The following TSHZ2 variants were observed in gnomAD, a reference collection of about 807,000 sequenced individuals.
TSHZ2 encodes the protein teashirt homolog 2.
Under a neutral mutation model 74.4 loss-of-function variants are expected in TSHZ2, and 21 were observed. The ratio of observed to expected loss-of-function variants is 0.28; its 90% CI spans 0.20 to 0.41. TSHZ2 has a LOEUF of 0.41. Ranked by LOEUF, TSHZ2 falls within the 10% of genes least tolerant of loss-of-function variation. The pLI, the probability that TSHZ2 is intolerant of heterozygous loss-of-function variation, is 1.00. For missense variants in TSHZ2, 1,244 were observed against 1,293.5 expected (o/e 0.96, Z 0.59); for synonymous variants, 540 against 515.3 (o/e 1.05, Z -0.65).
intron 1 of TSHZ2, among the ~76,000 whole-genome samples, chr20:53,034,518 A>T (rs976260254): frequency 1.3e-5 from 2 of 152,202 alleles, no homozygotes; most frequent in African/African-American, 4.8e-5. Flanking sequence ...ACAATAAATA[A>T]CCATGATGAC....
intron 1 of TSHZ2, among the ~76,000 whole-genome samples, chr20:53,032,536 T>G (rs1173903408): frequency 6.6e-6 from 1 of 152,118 alleles, no homozygotes; most frequent in African/African-American, 2.4e-5. Context: ...CCTTGGTAGG[T>G]CTTGAGATAG....
chr20:53,372,488 G>A (rs945602502), intron 2 of TSHZ2, among the ~76,000 whole-genome samples: 2 of 151,742 alleles, frequency 1.3e-5, no homozygotes, highest in African/African-American at 4.8e-5. Context: ...AAAAAATAAA[G>A]AAGGAAGAAA....
chr20:53,355,184 G>A (rs536827126), intron 2 of TSHZ2, among the ~76,000 whole-genome samples: 105 of 152,132 alleles, frequency 6.9e-4, no homozygotes, highest in African/African-American at 2.4e-3. Flanking sequence ...AAGCAAAAAG[G>A]AAAAGAAAAA....
chr20:53,001,034 C>G (rs1982388095), intron 1 of TSHZ2, among the ~76,000 whole-genome samples: 1 of 152,082 alleles, frequency 6.6e-6, no homozygotes, highest in Non-Finnish European at 1.5e-5. Flanking sequence ...AAGAGGGGGA[C>G]AGCCATCTGA....
chr20:53,442,376 T>A (rs1416009862), intron 2 of TSHZ2, among the ~76,000 whole-genome samples: 2 of 152,158 alleles, frequency 1.3e-5, no homozygotes, highest in African/African-American at 4.8e-5. Context: ...CCCATATTCA[T>A]TTTTCTTTTT....
At chr20:53,038,838 C>T (rs961928829) in intron 1 of TSHZ2, among the ~76,000 whole-genome samples, 20 of 147,394 alleles carry the variant, frequency 1.4e-4, no homozygotes, top group African/African-American at 4.9e-4. Context: ...TCTTCTGGGT[C>T]CAAGGGCCTT....
At chr20:53,304,508 CA>C (rs1024489881) in intron 2 of TSHZ2, among the ~76,000 whole-genome samples, 1 of 151,962 alleles carries the variant, frequency 6.6e-6, no homozygotes, top group Non-Finnish European at 1.5e-5. Context: ...ACAACAACAG[CA>C]AAAAAAGCAC....
chr20:53,210,083 A>G (rs1037431867), intron 1 of TSHZ2, among the ~76,000 whole-genome samples: 1 of 152,242 alleles, frequency 6.6e-6, no homozygotes, highest in Non-Finnish European at 1.5e-5. Context: ...CCGTCGCAGG[A>G]CGTGAGACAG....
intron 2 of TSHZ2, among the ~76,000 whole-genome samples, chr20:53,447,989 C>T (rs555364585): frequency 4.6e-5 from 7 of 151,310 alleles, no homozygotes; most frequent in South Asian, 2.1e-4. Context: ...TCTCGGCTCA[C>T]GGCAAGCTCT....
At chr20:53,468,920 A>G (rs1985648453) in intron 2 of TSHZ2, among the ~76,000 whole-genome samples, 1 of 149,834 alleles carries the variant, frequency 6.7e-6, no homozygotes, top group Admixed American at 6.7e-5. Flanking sequence ...ATGTCCCCTT[A>G]TTCTTCAAGG....
intron 2 of TSHZ2, among the ~76,000 whole-genome samples, chr20:53,448,917 C>CA (rs1192896586): frequency 6.6e-6 from 1 of 152,108 alleles, no homozygotes; most frequent in South Asian, 2.1e-4. Context: ...GGTAAACCCT[C>CA]AAAAAATGGA....
intron 1 of TSHZ2, among the ~76,000 whole-genome samples, chr20:53,124,237 C>A (rs1413769096): frequency 6.6e-6 from 1 of 152,212 alleles, no homozygotes; most frequent in Non-Finnish European, 1.5e-5. Context: ...ATCTCTCTTG[C>A]TTAACTGTAC....
At chr20:53,094,782 A>G (rs1264549169) in intron 1 of TSHZ2, among the ~76,000 whole-genome samples, 3 of 152,204 alleles carry the variant, frequency 2.0e-5, no homozygotes, top group Non-Finnish European at 2.9e-5. Flanking sequence ...CTGTGCTTCC[A>G]GAAATCAGGA....
intron 2 of TSHZ2, among the ~76,000 whole-genome samples, chr20:53,291,807 A>C (rs1373982891): frequency 6.6e-6 from 1 of 151,246 alleles, no homozygotes; most frequent in East Asian, 1.9e-4. Flanking sequence ...CTCACAGCAC[A>C]CTCTTCTGAA....
intron 2 of TSHZ2, among the ~76,000 whole-genome samples, chr20:53,293,287 AC>A (rs1252775410): frequency 6.6e-6 from 1 of 152,060 alleles, no homozygotes; most frequent in African/African-American, 2.4e-5. Context: ...ACATGGCAAA[AC>A]CCTGTCCCTA....
chr20:53,039,245 A>G (rs920062943), intron 1 of TSHZ2, among the ~76,000 whole-genome samples: 1 of 151,930 alleles, frequency 6.6e-6, no homozygotes, highest in Non-Finnish European at 1.5e-5. Flanking sequence ...CCACTTTGGA[A>G]CCTACCCCGA....
At chr20:53,006,988 C>T (rs1982668291) in intron 1 of TSHZ2, among the ~76,000 whole-genome samples, 1 of 152,084 alleles carries the variant, frequency 6.6e-6, no homozygotes. Flanking sequence ...TCTGGAAATC[C>T]ATGAGTGAAC....
intron 2 of TSHZ2, among the ~76,000 whole-genome samples, chr20:53,305,671 A>G (rs370152825): frequency 2.9e-4 from 44 of 152,166 alleles, no homozygotes; most frequent in African/African-American, 9.6e-4. Flanking sequence ...GGCACCACGG[A>G]TGTACAATAT....
At chr20:53,168,960 A>G (rs1369650575) in intron 1 of TSHZ2, 1 of 152,172 alleles carries the variant, frequency 6.6e-6, no homozygotes, top group African/African-American at 2.4e-5. Flanking sequence ...AATCTTCTTG[A>G]TTTGTAACCT....
Sources: allele counts gnomAD v4.1 joint callset (sites outside exome capture counted in the v4.1 genomes callset), GRCh38; gene constraint gnomAD v4.1.1; transcripts MANE v1.5; gene names NCBI Gene and HGNC (gene_info 2026-07-23, HGNC 2026-07-21).